LINGO2: variants seen among roughly 807,000 people sequenced by gnomAD.
LINGO2 encodes leucine-rich repeat and immunoglobulin-like domain-containing nogo receptor-interacting protein 2.
Under a neutral mutation model 30.6 loss-of-function variants are expected in LINGO2, and 14 were observed. The ratio of observed to expected loss-of-function variants is 0.46; its 90% CI spans 0.30 to 0.72. The LOEUF (loss-of-function observed/expected upper bound fraction) is 0.72, where lower values mean the gene tolerates loss of function less well. Ranked by LOEUF, LINGO2 falls within the 30% of genes least tolerant of loss-of-function variation. The probability of loss-of-function intolerance (pLI) is 0.07; values close to 1 mark genes in which losing one functional copy is unlikely to be tolerated. For synonymous variants in LINGO2, 317 were observed against 288.5 expected, an observed-to-expected ratio of 1.10 and a Z score of -1.00; for missense variants, 729 against 751.7, an observed-to-expected ratio of 0.97 and a Z score of 0.35.
chr9:28,414,368 A>G (rs574019481), intron 2 of LINGO2, among the ~76,000 whole-genome samples: 12 of 152,098 alleles, frequency 7.9e-5, no homozygotes, highest in Non-Finnish European at 1.6e-4. Flanking sequence ...TATATAAAAT[A>G]TATTTTGTTA....
chr9:28,178,740 A>G (rs1234008099), intron 4 of LINGO2, among the ~76,000 whole-genome samples: 2 of 152,166 alleles, frequency 1.3e-5, no homozygotes, highest in Non-Finnish European at 2.9e-5. Context: ...GGTGATTACA[A>G]CATAATTGAT....
chr9:28,312,710 TTTAATAGTTTTA>T (rs1824679074), intron 3 of LINGO2, among the ~76,000 whole-genome samples: 1 of 152,134 alleles, frequency 6.6e-6, no homozygotes, highest in Non-Finnish European at 1.5e-5. Flanking sequence ...CTGAGAAAAT[TTTAATAGTTTTA>T]TTAGCATATG....
the LINGO2 span, among the ~76,000 whole-genome samples, chr9:28,753,396 A>T: frequency 6.6e-6 from 1 of 152,110 alleles, no homozygotes; most frequent in Non-Finnish European, 1.5e-5. Flanking sequence ...CAATCCTAAT[A>T]TAAGGCTGCA....
the LINGO2 span, among the ~76,000 whole-genome samples, chr9:28,798,712 C>T: frequency 5.9e-5 from 9 of 152,120 alleles, no homozygotes; most frequent in South Asian, 1.7e-3. Flanking sequence ...TTCAGCTGCA[C>T]GGTTGCAGGC....
chr9:28,884,935 AT>A, the LINGO2 span, among the ~76,000 whole-genome samples: 1 of 7,960 alleles, frequency 1.3e-4, no homozygotes, highest in African/African-American at 3.6e-4. Flanking sequence ...ATAATATTAT[AT>A]ATAATATATA....
the LINGO2 span, among the ~76,000 whole-genome samples, chr9:28,796,476 G>A: frequency 6.6e-6 from 1 of 152,000 alleles, no homozygotes; most frequent in East Asian, 1.9e-4. Context: ...GGCAAGCACA[G>A]CCTATATAAA....
chr9:28,981,888 T>C, the LINGO2 span, among the ~76,000 whole-genome samples: 29 of 151,798 alleles, frequency 1.9e-4, no homozygotes, highest in Non-Finnish European at 3.5e-4. Context: ...CCTGGTATAC[T>C]GAAAGAAAAT....
At chr9:28,351,971 C>T (rs1478609945) in intron 3 of LINGO2, among the ~76,000 whole-genome samples, 1 of 151,492 alleles carries the variant, frequency 6.6e-6, no homozygotes, top group Non-Finnish European at 1.5e-5. Flanking sequence ...TAAAAACTCT[C>T]AATAAATTAG....
At chr9:28,461,993 C>A (rs931241582) in intron 2 of LINGO2, among the ~76,000 whole-genome samples, 1 of 152,096 alleles carries the variant, frequency 6.6e-6, no homozygotes, top group African/African-American at 2.4e-5. Flanking sequence ...ACTGAGCAAC[C>A]ACAGAGCCAA....
At chr9:28,506,429 C>T (rs1460226971) in intron 1 of LINGO2, among the ~76,000 whole-genome samples, 4 of 97,356 alleles carry the variant, frequency 4.1e-5, no homozygotes, top group Non-Finnish European at 4.4e-5. Context: ...TATACACACA[C>T]ACACACACAC....
At chr9:28,664,494 G>C (rs564983814) in intron 1 of LINGO2, among the ~76,000 whole-genome samples, 1 of 152,088 alleles carries the variant, frequency 6.6e-6, no homozygotes, top group Admixed American at 6.6e-5. Flanking sequence ...AGAGAGAATA[G>C]GGAGTAAGAC....
the LINGO2 span, among the ~76,000 whole-genome samples, chr9:29,126,181 G>A: frequency 2.6e-5 from 4 of 152,062 alleles, no homozygotes; most frequent in Admixed American, 2.6e-4. Flanking sequence ...TAAATACTTA[G>A]GGGGAAAATA....
the LINGO2 span, among the ~76,000 whole-genome samples, chr9:28,741,634 G>A: frequency 2.6e-5 from 4 of 151,934 alleles, no homozygotes; most frequent in African/African-American, 9.7e-5. Flanking sequence ...TGGAAACCTA[G>A]TCTGTTGGAC....
chr9:29,095,793 C>G, the LINGO2 span, among the ~76,000 whole-genome samples: 3 of 138,368 alleles, frequency 2.2e-5, 1 homozygote, highest in East Asian at 7.4e-4. Context: ...TCCTGACAGA[C>G]ACTCCTGACC....
intron 5 of LINGO2, among the ~76,000 whole-genome samples, chr9:28,003,328 T>A (rs1277941720): frequency 7.3e-6 from 1 of 136,254 alleles, no homozygotes; most frequent in Non-Finnish European, 1.5e-5. Flanking sequence ...GTTAACCATA[T>A]AGATATATAG....
At chr9:28,310,144 G>A (rs1824552776) in intron 3 of LINGO2, among the ~76,000 whole-genome samples, 1 of 152,100 alleles carries the variant, frequency 6.6e-6, no homozygotes, top group African/African-American at 2.4e-5. Context: ...AGCTTAAAAT[G>A]TTAAGCATAC....
chr9:28,729,035 G>T, the LINGO2 span, among the ~76,000 whole-genome samples: 1 of 152,070 alleles, frequency 6.6e-6, no homozygotes, highest in African/African-American at 2.4e-5. Context: ...TCTCTAGACT[G>T]GGGGACTGGC....
At chr9:27,992,704 G>A (rs1453190377) in intron 5 of LINGO2, among the ~76,000 whole-genome samples, 1 of 151,956 alleles carries the variant, frequency 6.6e-6, no homozygotes, top group African/African-American at 2.4e-5. Flanking sequence ...GGAAAGTGAA[G>A]TTATGTTAAG....
At chr9:28,289,501 G>C (rs923189279) in intron 4 of LINGO2, among the ~76,000 whole-genome samples, 3 of 152,154 alleles carry the variant, frequency 2.0e-5, no homozygotes, top group Admixed American at 2.0e-4. Context: ...GACTTATACA[G>C]TTCAGAAAGA....
Sources: gnomAD v4.1 joint callset for allele counts (sites outside exome capture counted in the v4.1 genomes callset) on GRCh38, gnomAD v4.1.1 for gene constraint, MANE v1.5 for transcripts, NCBI Gene and HGNC (gene_info 2026-07-23, HGNC 2026-07-21) for gene names.